COMMD10: variants seen among roughly 807,000 people sequenced by gnomAD.
The protein encoded by COMMD10 is COMM domain-containing protein 10.
Under a neutral mutation model 28.9 loss-of-function variants are expected in COMMD10, and 33 were observed. That is an observed-to-expected ratio of 1.14 (90% CI 0.87 to 1.53). The LOEUF (loss-of-function observed/expected upper bound fraction) is 1.53. Ranked by LOEUF, COMMD10 falls within the 40% of genes most tolerant of loss-of-function variation. COMMD10 has a pLI of 0.00. For synonymous variants in COMMD10, 110 were observed against 81.7 expected (o/e 1.35, Z -1.87); for missense variants, 310 against 233.4 (o/e 1.33, Z -2.14).
At chr5:116,248,482 T>G (rs1182560631) in intron 5 of COMMD10, among the ~76,000 whole-genome samples, 2 of 151,990 alleles carry the variant, frequency 1.3e-5, no homozygotes, top group Admixed American at 6.6e-5. Flanking sequence ...AGTAAAGCCC[T>G]TAGTGCTGAT....
intron 5 of COMMD10, among the ~76,000 whole-genome samples, chr5:116,243,136 A>T (rs959955471): frequency 9.2e-5 from 14 of 152,184 alleles, no homozygotes; most frequent in African/African-American, 3.4e-4. Flanking sequence ...GTCATATTTC[A>T]AAATTAAATG....
At chr5:116,186,129 A>G (rs952281364) in intron 5 of COMMD10, among the ~76,000 whole-genome samples, 39 of 152,172 alleles carry the variant, frequency 2.6e-4, no homozygotes, top group Non-Finnish European at 5.4e-4. Context: ...AACATGTTCA[A>G]ATAAATCCAA....
intron 4 of COMMD10, among the ~76,000 whole-genome samples, chr5:116,117,691 C>A (rs1268611503): frequency 6.6e-6 from 1 of 151,978 alleles, no homozygotes; most frequent in Non-Finnish European, 1.5e-5. Flanking sequence ...GTCTTGAACC[C>A]CTGAACTTAA....
intron 5 of COMMD10, among the ~76,000 whole-genome samples, chr5:116,256,702 C>A (rs534932418): frequency 6.6e-6 from 1 of 151,712 alleles, no homozygotes; most frequent in Admixed American, 6.6e-5. Context: ...CAAGTCTTAA[C>A]GTGAATTCAT....
chr5:116,089,579 C>G (rs1353585893), intron 2 of COMMD10, among the ~76,000 whole-genome samples: 1 of 152,192 alleles, frequency 6.6e-6, no homozygotes, highest in Non-Finnish European at 1.5e-5. Flanking sequence ...GTCTTTGACA[C>G]TCTCAGTCAT....
intron 5 of COMMD10, among the ~76,000 whole-genome samples, chr5:116,175,675 G>A (rs1018851472): frequency 4.6e-5 from 7 of 152,176 alleles, no homozygotes; most frequent in African/African-American, 1.7e-4. Context: ...TATATGCAAC[G>A]GGATATTATT....
At chr5:116,239,833 G>A (rs149901162) in intron 5 of COMMD10, among the ~76,000 whole-genome samples, 69 of 152,248 alleles carry the variant, frequency 4.5e-4, no homozygotes, top group African/African-American at 1.6e-3. Context: ...CATGAGGACT[G>A]CTCCAGGTTT....
intron 4 of COMMD10, among the ~76,000 whole-genome samples, chr5:116,130,576 T>C (rs1031516338): frequency 1.3e-5 from 2 of 151,998 alleles, no homozygotes; most frequent in Admixed American, 1.3e-4. Context: ...CAAAATTTGA[T>C]GCAATTATCC....
At chr5:116,088,945 A>G (rs72804811) in intron 2 of COMMD10, among the ~76,000 whole-genome samples, 4 of 152,172 alleles carry the variant, frequency 2.6e-5, no homozygotes, top group African/African-American at 9.7e-5. Context: ...TTCCTAATAC[A>G]TTGCTACTAG....
intron 5 of COMMD10, among the ~76,000 whole-genome samples, chr5:116,158,787 A>G (rs912403809): frequency 6.6e-6 from 1 of 151,808 alleles, no homozygotes; most frequent in Non-Finnish European, 1.5e-5. Context: ...GGATTTGAGG[A>G]TCCACATCTA....
At chr5:116,265,231 T>A (rs1750554498) in intron 5 of COMMD10, among the ~76,000 whole-genome samples, 1 of 151,782 alleles carries the variant, frequency 6.6e-6, no homozygotes, top group Non-Finnish European at 1.5e-5. Flanking sequence ...TGCTAGAGCA[T>A]AATATTCTGC....
At chr5:116,106,349 T>A (rs1476790968) in intron 4 of COMMD10, among the ~76,000 whole-genome samples, 1 of 152,120 alleles carries the variant, frequency 6.6e-6, no homozygotes, top group Non-Finnish European at 1.5e-5. Context: ...TCCGACAGAG[T>A]GTTTATTAAT....
intron 5 of COMMD10, among the ~76,000 whole-genome samples, chr5:116,251,224 C>G (rs1226150050): frequency 6.6e-6 from 1 of 151,406 alleles, no homozygotes; most frequent in Non-Finnish European, 1.5e-5. Flanking sequence ...TATTTGTTCC[C>G]CATTACACAG....
At chr5:116,108,350 C>CT (rs1465015015) in intron 4 of COMMD10, among the ~76,000 whole-genome samples, 7 of 152,238 alleles carry the variant, frequency 4.6e-5, no homozygotes, top group Non-Finnish European at 8.8e-5. Flanking sequence ...AGGCTACTGC[C>CT]TTTTTTTCAG....
chr5:116,125,537 C>G (rs1751597675), intron 4 of COMMD10, among the ~76,000 whole-genome samples: 2 of 152,060 alleles, frequency 1.3e-5, no homozygotes, highest in African/African-American at 4.8e-5. Context: ...CTTGGAGTTG[C>G]TCTTCTCCAG....
chr5:116,225,119 A>G (rs1394934392), intron 5 of COMMD10, among the ~76,000 whole-genome samples: 2 of 151,694 alleles, frequency 1.3e-5, no homozygotes, highest in African/African-American at 4.8e-5. Context: ...CACTTATTAT[A>G]CTTTTTAGAT....
chr5:116,214,574 C>T (rs901640155), intron 5 of COMMD10, among the ~76,000 whole-genome samples: 2 of 152,078 alleles, frequency 1.3e-5, no homozygotes, highest in Admixed American at 1.3e-4. Context: ...GTAGAAGTTT[C>T]TTCAAGGTGT....
intron 5 of COMMD10, among the ~76,000 whole-genome samples, chr5:116,185,739 A>G (rs80284759): frequency 6.0e-4 from 92 of 152,228 alleles, no homozygotes; most frequent in African/African-American, 2.0e-3. Flanking sequence ...CTTGATTACA[A>G]ATTTTAAAAC....
At chr5:116,260,815 A>G (rs1303436430) in intron 5 of COMMD10, among the ~76,000 whole-genome samples, 2 of 151,796 alleles carry the variant, frequency 1.3e-5, no homozygotes, top group African/African-American at 4.9e-5. Context: ...TTTTGAAACA[A>G]AGTTTGCTAA....
Sources: gnomAD v4.1 joint callset for allele counts (sites outside exome capture counted in the v4.1 genomes callset) on GRCh38, gnomAD v4.1.1 for gene constraint, MANE v1.5 for transcripts, NCBI Gene and HGNC (gene_info 2026-07-23, HGNC 2026-07-21) for gene names.